CCSER1: variants seen among roughly 807,000 people sequenced by gnomAD.
CCSER1 encodes serine-rich coiled-coil domain-containing protein 1.
CCSER1 carries 41 observed loss-of-function variants against 82.0 expected under a neutral mutation model. The ratio of observed to expected loss-of-function variants is 0.50; its 90% CI spans 0.39 to 0.65. The LOEUF is 0.65. Among genes scored for constraint, CCSER1 ranks in the 30% least tolerant of loss-of-function variants. CCSER1 has a pLI of 0.00. For synonymous variants in CCSER1, 414 were observed against 383.9 expected, an observed-to-expected ratio of 1.08 and a Z score of -0.92; for missense variants, 1,119 against 1,064.2, an observed-to-expected ratio of 1.05 and a Z score of -0.72.
intron 7 of CCSER1, among the ~76,000 whole-genome samples, chr4:90,762,240 T>C (rs1750517313): frequency 6.6e-6 from 1 of 152,048 alleles, no homozygotes; most frequent in Non-Finnish European, 1.5e-5. Flanking sequence ...ATAAGGGGCT[T>C]TTCTCCCTTC....
chr4:91,146,323 C>T (rs930555844), intron 10 of CCSER1, among the ~76,000 whole-genome samples: 3 of 152,120 alleles, frequency 2.0e-5, no homozygotes, highest in African/African-American at 7.2e-5. Context: ...AGTCTGGATT[C>T]ATTTTTTGGC....
At chr4:90,569,381 A>G (rs1029870441) in intron 5 of CCSER1, among the ~76,000 whole-genome samples, 1 of 152,170 alleles carries the variant, frequency 6.6e-6, no homozygotes. Flanking sequence ...CTGGAAGAGA[A>G]CCTTTGATCA....
rs566134694 is a variant in CCSER1, at chr4:90,413,802, A to G, written c.1603+13673A>G. ...ACTAAAAATACAAAAAAAAAAAATTAGCCGCGCGTAGTGGCGGGCGCCTGT... is the reference window on the plus strand; with the variant it reads ...ACTAAAAATACAAAAAAAAAAAATTGGCCGCGCGTAGTGGCGGGCGCCTGT... On this transcript the variant is annotated intron_variant, in intron 4 of 10. Coordinates refer to ENST00000509176, the MANE Select transcript of CCSER1 (RefSeq NM_001145065.2). 4.0e-4 allele frequency among the ~76,000 whole-genome samples: 59 copies of G among 149,324 alleles called. No individual in the cohort carries two copies. The South Asian group carries it at 6.5e-3, about 17-fold the overall frequency.
At chr4:90,853,991 A>G (rs992099628) in intron 8 of CCSER1, among the ~76,000 whole-genome samples, 1 of 152,292 alleles carries the variant, frequency 6.6e-6, no homozygotes, top group Admixed American at 6.5e-5. Flanking sequence ...ATGCATGTCA[A>G]AAGGAAAGTT....
At chr4:90,564,115 G>A (rs990061727) in intron 5 of CCSER1, among the ~76,000 whole-genome samples, 2 of 149,864 alleles carry the variant, frequency 1.3e-5, no homozygotes, top group Non-Finnish European at 1.5e-5. Context: ...TTTTACCTGT[G>A]TTTTTATTTT....
chr4:90,256,541 G>T (rs899568915), intron 1 of CCSER1, among the ~76,000 whole-genome samples: 24 of 152,112 alleles, frequency 1.6e-4, no homozygotes, highest in African/African-American at 5.1e-4. Context: ...TTTACTGAGT[G>T]CTGGGTCTTA....
chr4:91,538,430 A>G (rs1278435259), intron 10 of CCSER1, among the ~76,000 whole-genome samples: 1 of 151,668 alleles, frequency 6.6e-6, no homozygotes, highest in Non-Finnish European at 1.5e-5. Context: ...GATTTTCTTC[A>G]TGACCAAAAA....
chr4:90,956,254 G>A (rs142291063), intron 9 of CCSER1, among the ~76,000 whole-genome samples: 306 of 152,222 alleles, frequency 2.0e-3, no homozygotes, highest in Middle Eastern at 6.8e-3. Context: ...ATTATACAGT[G>A]GTTTCAGGTC....
chr4:91,068,922 C>T (rs1581469208), intron 9 of CCSER1, among the ~76,000 whole-genome samples: 1 of 152,090 alleles, frequency 6.6e-6, no homozygotes, highest in East Asian at 1.9e-4. Context: ...GTGGCTCATG[C>T]CTGTAATCCC....
At chr4:90,816,200 T>A (rs1758992318) in intron 8 of CCSER1, among the ~76,000 whole-genome samples, 1 of 152,214 alleles carries the variant, frequency 6.6e-6, no homozygotes, top group Non-Finnish European at 1.5e-5. Context: ...TACAGATCTA[T>A]AATATAAAGC....
intron 10 of CCSER1, among the ~76,000 whole-genome samples, chr4:91,508,162 G>GTTTTTTTTTTTTTTTTTTTTGT (rs139066436): frequency 2.0e-5 from 2 of 97,654 alleles, no homozygotes; most frequent in African/African-American, 4.0e-5. Flanking sequence ...TTTTTTCTGG[G>GTTTTTTTTTTTTTTTTTTTTGT]TTTTTTTTTT....
At chr4:91,071,092 T>C (rs1721384161) in intron 9 of CCSER1, among the ~76,000 whole-genome samples, 1 of 152,228 alleles carries the variant, frequency 6.6e-6, no homozygotes, top group African/African-American at 2.4e-5. Flanking sequence ...ACTATTTAGA[T>C]ACATGGATGC....
chr4:90,998,178 T>C (rs1354927408), intron 9 of CCSER1, among the ~76,000 whole-genome samples: 1 of 152,236 alleles, frequency 6.6e-6, no homozygotes, highest in East Asian at 1.9e-4. Context: ...CCACCCGAGT[T>C]CAAGCAATTC....
chr4:91,079,771 A>C (rs1165421598), intron 9 of CCSER1, among the ~76,000 whole-genome samples: 1 of 152,170 alleles, frequency 6.6e-6, no homozygotes, highest in East Asian at 1.9e-4. Context: ...TTGCCGTCCT[A>C]GTCTCTGATA....
intron 10 of CCSER1, among the ~76,000 whole-genome samples, chr4:91,414,133 C>T (rs907790599): frequency 6.6e-6 from 1 of 152,054 alleles, no homozygotes; most frequent in Non-Finnish European, 1.5e-5. Flanking sequence ...AATATATGGT[C>T]AAATCAGAAT....
chr4:91,032,539 C>A (rs867963537), intron 9 of CCSER1, among the ~76,000 whole-genome samples: 1 of 152,170 alleles, frequency 6.6e-6, no homozygotes, highest in Non-Finnish European at 1.5e-5. Flanking sequence ...AAGTGGCATT[C>A]TTGTCAGACT....
At chr4:91,073,090 T>C (rs1277274735) in intron 9 of CCSER1, among the ~76,000 whole-genome samples, 1 of 152,038 alleles carries the variant, frequency 6.6e-6, no homozygotes, top group African/African-American at 2.4e-5. Context: ...ATTCAAAGCT[T>C]CCAGTGAATG....
intron 10 of CCSER1, among the ~76,000 whole-genome samples, chr4:91,557,610 G>C (rs896699917): frequency 2.6e-5 from 4 of 151,466 alleles, no homozygotes; most frequent in Non-Finnish European, 4.4e-5. Context: ...AGGGATATTA[G>C]AGAAACTTAC....
At chr4:91,205,319 A>G (rs1199072618) in intron 10 of CCSER1, among the ~76,000 whole-genome samples, 1 of 151,820 alleles carries the variant, frequency 6.6e-6, no homozygotes, top group African/African-American at 2.4e-5. Flanking sequence ...AGGACGAAAT[A>G]CGTGACCTCA....
Sources: allele counts gnomAD v4.1 joint callset (sites outside exome capture counted in the v4.1 genomes callset), GRCh38; gene constraint gnomAD v4.1.1; transcripts MANE v1.5; gene names NCBI Gene and HGNC (gene_info 2026-07-23, HGNC 2026-07-21).